Variants in PTPRG observed in about 807,000 individuals in gnomAD.
PTPRG encodes protein tyrosine phosphatase receptor type G, also known as receptor-type tyrosine-protein phosphatase gamma.
PTPRG carries 102 observed loss-of-function variants against 165.3 expected under a neutral mutation model. The ratio of observed to expected loss-of-function variants is 0.62; its 90% CI spans 0.53 to 0.73. The LOEUF (loss-of-function observed/expected upper bound fraction) is 0.73. PTPRG is among the 30% of genes least tolerant of loss of function. The pLI is 0.00. For synonymous variants in PTPRG, 675 were observed against 669.5 expected (o/e 1.01, Z -0.13); for missense variants, 1,866 against 1,861.4 (o/e 1.00, Z -0.05).
intron 5 of PTPRG, among the ~76,000 whole-genome samples, chr3:62,107,500 A>G (rs1702513709): frequency 6.6e-6 from 1 of 152,242 alleles, no homozygotes. Context: ...ACTTGAAGAC[A>G]TGTTTATTTC....
At chr3:62,127,740 G>C (rs1390576618) in intron 5 of PTPRG, among the ~76,000 whole-genome samples, 1 of 152,190 alleles carries the variant, frequency 6.6e-6, no homozygotes, top group Non-Finnish European at 1.5e-5. Context: ...CAAGTCAAGG[G>C]CCAAATGGCA....
chr3:61,749,856 T>C (rs2033361243), intron 2 of PTPRG: 1 of 152,266 alleles, frequency 6.6e-6, no homozygotes, highest in Admixed American at 6.5e-5. Context: ...CTATGTATTA[T>C]GCAATGTTGT....
intron 2 of PTPRG, among the ~76,000 whole-genome samples, chr3:61,929,158 CA>C (rs1160292274): frequency 6.6e-6 from 1 of 152,042 alleles, no homozygotes; most frequent in Non-Finnish European, 1.5e-5. Context: ...TTAACATCAC[CA>C]AAAACATGTC....
At chr3:62,122,669 C>A (rs920529007) in intron 5 of PTPRG, among the ~76,000 whole-genome samples, 1 of 152,056 alleles carries the variant, frequency 6.6e-6, no homozygotes, top group Non-Finnish European at 1.5e-5. Flanking sequence ...ATTCTATATC[C>A]CAGAATTGAT....
intron 1 of PTPRG, among the ~76,000 whole-genome samples, chr3:61,577,550 T>C (rs1045893768): frequency 3.9e-5 from 6 of 152,256 alleles, no homozygotes; most frequent in Non-Finnish European, 7.3e-5. Context: ...ATTGACTGCC[T>C]ATTAAAATGA....
At chr3:61,574,914 G>A (rs1177034382) in intron 1 of PTPRG, among the ~76,000 whole-genome samples, 7 of 152,124 alleles carry the variant, frequency 4.6e-5, no homozygotes, top group Non-Finnish European at 1.0e-4. Context: ...ACTCGGGCTT[G>A]CCAGAATGAG....
At chr3:61,707,049 A>G (rs551913555) in intron 1 of PTPRG, among the ~76,000 whole-genome samples, 1 of 152,162 alleles carries the variant, frequency 6.6e-6, no homozygotes, top group African/African-American at 2.4e-5. Context: ...AAGTCTATAC[A>G]GGTCATTCCA....
At chr3:61,893,082 C>T (rs756958677) in intron 2 of PTPRG, among the ~76,000 whole-genome samples, 4 of 152,152 alleles carry the variant, frequency 2.6e-5, no homozygotes, top group South Asian at 2.1e-4. Flanking sequence ...ACGTCATTAT[C>T]GTCGACTGCT....
intron 2 of PTPRG, among the ~76,000 whole-genome samples, chr3:61,898,583 G>A (rs886899612): frequency 2.0e-5 from 3 of 152,170 alleles, no homozygotes; most frequent in Non-Finnish European, 2.9e-5. Flanking sequence ...TTCTGGTTTG[G>A]CAGTTGAAAT....
intron 1 of PTPRG, among the ~76,000 whole-genome samples, chr3:61,612,200 A>C (rs527764819): frequency 6.6e-6 from 1 of 152,098 alleles, no homozygotes; most frequent in African/African-American, 2.4e-5. Flanking sequence ...GCCTTGGCCT[A>C]ATCCCAAAGT....
chr3:62,235,604 T>G (rs1701013504), intron 14 of PTPRG, among the ~76,000 whole-genome samples: 1 of 152,216 alleles, frequency 6.6e-6, no homozygotes, highest in Non-Finnish European at 1.5e-5. Context: ...GTGCCTATAA[T>G]TTATCATTTT....
At chr3:61,647,419 A>C (rs1575561455) in intron 1 of PTPRG, among the ~76,000 whole-genome samples, 1 of 152,340 alleles carries the variant, frequency 6.6e-6, no homozygotes, top group South Asian at 2.1e-4. Flanking sequence ...TCTCTAAAGA[A>C]GGAAACTGAG....
chr3:62,293,378 C>G lies in PTPRG; in HGVS notation c.*71C>G. 7.4e-7 allele frequency: 1 copy of G among 1,351,260 alleles called. No individual in the cohort carries two copies. 83.7% of individuals were successfully genotyped at this position (1,351,260 alleles called of 1,614,324 possible). A position where few individuals can be genotyped will look rare whatever the true frequency, so the allele number is the denominator to read the frequency against. On this transcript the variant is annotated 3_prime_UTR_variant, in exon 30 of 30. Coordinates refer to ENST00000474889, the MANE Select transcript of PTPRG (RefSeq NM_002841.4). ...AGAACTTTTTTGAGGCCTTTTTTGC[C>G]AGACTCTAGGTTATACAATAACCCA...
chr3:62,228,657 C>T lies in PTPRG; in HGVS notation c.2289-2568C>T, dbSNP rs539899168. On this transcript the variant is annotated intron_variant, in intron 13 of 29. Coordinates refer to ENST00000474889, the MANE Select transcript of PTPRG (RefSeq NM_002841.4). The surrounding 1 kb of genome is among the most constrained non-coding windows in gnomAD (Gnocchi z 4.1). ...GGGCAAACTCTGCCAAACTGCCCTT[C>T]CTTTATGCAAAGCAAAGTCCACTGT... 1.4e-3 allele frequency among the ~76,000 whole-genome samples: 207 copies of T among 152,296 alleles called. No individual in the cohort carries two copies. Among genetic ancestry groups the T allele is most frequent in the African/African-American group, 4.7e-3 (195 of 41,566 alleles).
chr3:61,649,620 G>A (rs1305705880), intron 1 of PTPRG, among the ~76,000 whole-genome samples: 1 of 152,162 alleles, frequency 6.6e-6, no homozygotes, highest in Admixed American at 6.5e-5. Flanking sequence ...CCATCACATT[G>A]ACAACACCTA....
At chr3:62,014,169 T>A (rs2041488270) in intron 4 of PTPRG, among the ~76,000 whole-genome samples, 1 of 152,158 alleles carries the variant, frequency 6.6e-6, no homozygotes, top group Non-Finnish European at 1.5e-5. Context: ...GGAGTCAAGT[T>A]TGAAAGAAAG....
At chr3:62,163,304 T>G (rs534173054) in intron 7 of PTPRG, among the ~76,000 whole-genome samples, 3 of 152,244 alleles carry the variant, frequency 2.0e-5, no homozygotes, top group South Asian at 4.1e-4. Context: ...TCAATAAAAC[T>G]TATACTAATA....
intron 5 of PTPRG, among the ~76,000 whole-genome samples, chr3:62,086,978 T>G (rs910634927): frequency 2.6e-5 from 4 of 152,352 alleles, no homozygotes; most frequent in Admixed American, 2.0e-4. Flanking sequence ...TTTGAATTCT[T>G]TGAATGTGAC....
intron 1 of PTPRG, among the ~76,000 whole-genome samples, chr3:61,582,090 C>T (rs934004047): frequency 3.3e-5 from 5 of 152,090 alleles, no homozygotes; most frequent in African/African-American, 9.7e-5. Context: ...ATCTCAGCCT[C>T]CCGCATAACT....
Sources: allele counts gnomAD v4.1 joint callset (sites outside exome capture counted in the v4.1 genomes callset), GRCh38; gene constraint gnomAD v4.1.1; non-coding constraint Gnocchi (gnomAD v3.1); transcripts MANE v1.5; gene names NCBI Gene and HGNC (gene_info 2026-07-23, HGNC 2026-07-21).